The following SUCLG2 variants were observed in gnomAD, a reference collection of about 807,000 sequenced individuals.
SUCLG2 encodes succinate--CoA ligase [GDP-forming] subunit beta, mitochondrial.
SUCLG2 carries 42 observed loss-of-function variants against 47.9 expected under a neutral mutation model. The observed-to-expected ratio is 0.88, with a 90% CI of 0.69 to 1.14. The LOEUF is 1.14. Ranked by LOEUF, SUCLG2 falls within the 50% of genes most tolerant of loss-of-function variation. SUCLG2 has a pLI of 0.00. For synonymous variants in SUCLG2, 195 were observed against 197.3 expected (o/e 0.99, Z 0.10); for missense variants, 571 against 525.9 (o/e 1.09, Z -0.84).
At chr3:67,603,114 G>A (rs2107300988) in intron 2 of SUCLG2, among the ~76,000 whole-genome samples, 1 of 152,224 alleles carries the variant, frequency 6.6e-6, no homozygotes, top group Admixed American at 6.5e-5. Flanking sequence ...TTATATTATT[G>A]ACTCCAAAGT....
chr3:67,484,420 A>T (rs1056351722), intron 9 of SUCLG2, among the ~76,000 whole-genome samples: 4 of 152,244 alleles, frequency 2.6e-5, no homozygotes, highest in African/African-American at 9.6e-5. Flanking sequence ...AAATAAAAAA[A>T]TAGGCTGACA....
chr3:67,473,188 AT>A (rs59233320), intron 9 of SUCLG2, among the ~76,000 whole-genome samples: 113,458 of 151,776 alleles, frequency 0.75, 42,673 homozygotes, highest in East Asian at 0.85. Context: ...ATTTTTATTT[AT>A]TTTTTTTGAG....
intron 4 of SUCLG2, among the ~76,000 whole-genome samples, chr3:67,527,025 A>T (rs950583779): frequency 6.6e-6 from 1 of 152,272 alleles, no homozygotes; most frequent in Non-Finnish European, 1.5e-5. Context: ...CGGGATTATT[A>T]CACATTGTAT....
At chr3:67,518,160 T>C (rs1383988234) in intron 6 of SUCLG2, 87 bp downstream of exon 6, 1 of 1,055,474 alleles carries the variant, frequency 9.5e-7, no homozygotes, top group Non-Finnish European at 1.4e-6. Context: ...TGTTTCCTGG[T>C]AATCACAAAC....
intron 1 of SUCLG2, among the ~76,000 whole-genome samples, chr3:67,631,775 G>A (rs1173499610): frequency 1.3e-5 from 2 of 152,156 alleles, no homozygotes; most frequent in African/African-American, 4.8e-5. Context: ...AGACTATGAT[G>A]GTCTCAAAGG....
intron 2 of SUCLG2, among the ~76,000 whole-genome samples, chr3:67,570,315 C>T (rs887270983): frequency 1.3e-5 from 2 of 152,312 alleles, no homozygotes; most frequent in Middle Eastern, 3.4e-3. Flanking sequence ...CCTGAATTGC[C>T]AGTCCTGTGG....
At chr3:67,380,128 T>C (rs1397366642) in intron 10 of SUCLG2, among the ~76,000 whole-genome samples, 1 of 151,760 alleles carries the variant, frequency 6.6e-6, no homozygotes, top group African/African-American at 2.4e-5. Context: ...AGGGTTGAAA[T>C]AGATACCGCA....
At chr3:67,444,055 G>A (rs1173432148) in intron 9 of SUCLG2, among the ~76,000 whole-genome samples, 5 of 116,630 alleles carry the variant, frequency 4.3e-5, no homozygotes, top group Admixed American at 9.2e-5. Context: ...GTCCGGGAGG[G>A]AGGTGGAGGG....
At chr3:67,549,663 G>C (rs370893876) in intron 2 of SUCLG2, among the ~76,000 whole-genome samples, 26 of 152,140 alleles carry the variant, frequency 1.7e-4, no homozygotes, top group East Asian at 9.6e-4. Flanking sequence ...AATAAAAGAT[G>C]TTTCTTTGAC....
chr3:67,421,668 A>G (rs533542480), intron 9 of SUCLG2, among the ~76,000 whole-genome samples: 1 of 152,338 alleles, frequency 6.6e-6, no homozygotes, highest in South Asian at 2.1e-4. Flanking sequence ...TACTGCTATA[A>G]AAATGAAAGA....
At chr3:67,472,080 A>G (rs947020809) in intron 9 of SUCLG2, among the ~76,000 whole-genome samples, 2 of 152,214 alleles carry the variant, frequency 1.3e-5, no homozygotes, top group African/African-American at 4.8e-5. Flanking sequence ...AAAAAAATCA[A>G]ATCTAGTTTC....
intron 3 of SUCLG2, among the ~76,000 whole-genome samples, chr3:67,528,539 C>T (rs958889323): frequency 3.3e-5 from 5 of 151,946 alleles, no homozygotes; most frequent in African/African-American, 7.3e-5. Flanking sequence ...ACTGAAGATC[C>T]GACAGTGGAA....
chr3:67,625,828 T>C (rs1405121749), intron 1 of SUCLG2, among the ~76,000 whole-genome samples: 2 of 152,006 alleles, frequency 1.3e-5, no homozygotes, highest in East Asian at 3.9e-4. Context: ...AAAGGATGAA[T>C]GTAAGACTGG....
chr3:67,499,225 G>A (rs192641257), intron 7 of SUCLG2, among the ~76,000 whole-genome samples: 31 of 152,202 alleles, frequency 2.0e-4, no homozygotes, highest in Non-Finnish European at 2.9e-5. Context: ...TGGTGTGGGA[G>A]AGCACTTAAA....
At chr3:67,646,583 A>G (rs1701195570) in intron 1 of SUCLG2, among the ~76,000 whole-genome samples, 1 of 152,150 alleles carries the variant, frequency 6.6e-6, no homozygotes, top group Admixed American at 6.5e-5. Flanking sequence ...CAAGAGAGTG[A>G]GACTCTGTCT....
chr3:67,626,828 G>T (rs1218356815), intron 1 of SUCLG2, among the ~76,000 whole-genome samples: 3 of 151,140 alleles, frequency 2.0e-5, no homozygotes. Context: ...GCAGAAGAAT[G>T]GCGTGAACCC....
intron 1 of SUCLG2, among the ~76,000 whole-genome samples, chr3:67,640,129 C>T (rs923654211): frequency 5.3e-5 from 8 of 152,170 alleles, no homozygotes; most frequent in African/African-American, 1.4e-4. Context: ...AAAATTTCTC[C>T]GTGACAAAAT....
rs754866312 is a variant in SUCLG2, at chr3:67,592,718, C to CAAAAAAA, written c.226+16730_226+16736dup. Among the ~76,000 whole-genome samples, 10 of 80,262 alleles carry CAAAAAAA rather than the reference C, an allele frequency of 1.2e-4. 1 individual carries two copies. Among genetic ancestry groups the CAAAAAAA allele is most frequent in the East Asian group, 3.8e-4 (1 of 2,652 alleles). 52.7% of individuals were successfully genotyped at this position (80,262 alleles called of 152,430 possible). On this transcript the variant is annotated intron_variant, in intron 2 of 10. Coordinates refer to ENST00000307227, the MANE Select transcript of SUCLG2 (RefSeq NM_003848.4). ...AAGCATATGTAACTCTCACATCCTCCAAAAAAAAAAAAAAAAAACAACAAA... is the reference window on the plus strand; with the variant it reads ...AAGCATATGTAACTCTCACATCCTCCAAAAAAAAAAAAAAAAAAAAAAAAACAACAAA...
intron 2 of SUCLG2, among the ~76,000 whole-genome samples, chr3:67,589,390 T>C (rs965677511): frequency 6.6e-6 from 1 of 152,234 alleles, no homozygotes; most frequent in Non-Finnish European, 1.5e-5. Flanking sequence ...CAGCACCAAG[T>C]ACCTGTACAT....
Sources: allele counts gnomAD v4.1 joint callset (sites outside exome capture counted in the v4.1 genomes callset), GRCh38; gene constraint gnomAD v4.1.1; transcripts MANE v1.5; gene names NCBI Gene and HGNC (gene_info 2026-07-23, HGNC 2026-07-21).